Variants in SUPT3H observed in about 807,000 individuals in gnomAD.
SUPT3H encodes the protein transcription initiation protein SPT3 homolog.
Under a neutral mutation model 44.3 loss-of-function variants are expected in SUPT3H, and 44 were observed. That is an observed-to-expected ratio of 0.99 (90% CI 0.78 to 1.28). SUPT3H has a LOEUF of 1.28. Among genes scored for constraint, SUPT3H ranks in the 50% most tolerant of loss-of-function variants. The probability of loss-of-function intolerance (pLI) is 0.00; values close to 1 mark genes in which losing one functional copy is unlikely to be tolerated. For synonymous variants in SUPT3H, 124 were observed against 125.6 expected (o/e 0.99, Z 0.09); for missense variants, 380 against 387.1 (o/e 0.98, Z 0.15).
intron 6 of SUPT3H, among the ~76,000 whole-genome samples, chr6:44,978,396 G>T (rs923181408): frequency 1.2e-4 from 18 of 152,118 alleles, no homozygotes; most frequent in African/African-American, 4.3e-4. Context: ...ATGGAACTGT[G>T]ATTTTAATAT....
chr6:44,973,112 A>C lies in SUPT3H; in HGVS notation c.505-11284T>G, dbSNP rs1582839443. On this transcript the variant is annotated intron_variant, in intron 6 of 10. Coordinates refer to ENST00000371459, the MANE Select transcript of SUPT3H (RefSeq NM_003599.4). ...GAGGCTGCAAATTTTCCAAAGTTTT[A>C]TGCTCTGGTTCCCTTTTAAACATAA... Among the ~76,000 whole-genome samples the C allele has an allele frequency of 2.6e-5, 4 of 152,312 alleles. No individual in the cohort carries two copies. The South Asian group carries it at 8.3e-4, about 32-fold the overall frequency.
intron 11 of SUPT3H, among the ~76,000 whole-genome samples, chr6:44,812,481 A>G (rs1248823750): frequency 3.9e-5 from 6 of 152,186 alleles, no homozygotes; most frequent in Admixed American, 2.6e-4. Context: ...GACTGGACCC[A>G]TGTGGATAAT....
Position 44,961,612 on chromosome 6 carries a change from T to C in SUPT3H, c.580+141A>G, listed in dbSNP as rs140470852. 436 of 654,948 alleles carry C rather than the reference T, an allele frequency of 6.7e-4. 3 individuals are homozygous for C. In the East Asian group the frequency reaches 0.012, roughly 18 times the overall value. The allele number at this position is 654,948 out of a possible 1,614,324, so 40.6% of individuals were successfully genotyped here. On this transcript the variant is annotated intron_variant, in intron 7 of 10. Transcript: ENST00000371459. The stretch of plus-strand genomic sequence containing the variant: ...AATCATTTATAGGCTCCCCACAATG[T>C]AGACGTTGTTTGTATAGCACTTACA...
At chr6:45,049,903 C>G (rs1790005939) in intron 3 of SUPT3H, among the ~76,000 whole-genome samples, 1 of 151,940 alleles carries the variant, frequency 6.6e-6, no homozygotes, top group Non-Finnish European at 1.5e-5. Flanking sequence ...TGTTATGTAT[C>G]CATCAATAAA....
At chr6:45,259,511 T>G (rs1174765815) in intron 2 of SUPT3H, among the ~76,000 whole-genome samples, 1 of 152,102 alleles carries the variant, frequency 6.6e-6, no homozygotes, top group Non-Finnish European at 1.5e-5. Context: ...AATTGACTTT[T>G]GGGGTTGGTT....
At chr6:44,975,870 G>C (rs1778261809) in intron 6 of SUPT3H, among the ~76,000 whole-genome samples, 1 of 152,120 alleles carries the variant, frequency 6.6e-6, no homozygotes, top group Admixed American at 6.6e-5. Context: ...GCAAACTCAT[G>C]CTGAGTATGT....
intron 3 of SUPT3H, among the ~76,000 whole-genome samples, chr6:45,050,832 A>G (rs979556750): frequency 6.6e-6 from 1 of 151,476 alleles, no homozygotes; most frequent in Non-Finnish European, 1.5e-5. Context: ...GTAATAATGC[A>G]GGAGAGAAAA....
intron 2 of SUPT3H, among the ~76,000 whole-genome samples, chr6:45,347,863 T>C (rs971280721): frequency 1.3e-5 from 2 of 152,138 alleles, no homozygotes; most frequent in Non-Finnish European, 2.9e-5. Context: ...TAAAAAATAC[T>C]ACATGCCTAC....
intron 10 of SUPT3H, among the ~76,000 whole-genome samples, chr6:44,889,261 C>A (rs1415237796): frequency 5.3e-5 from 8 of 151,680 alleles, no homozygotes; most frequent in South Asian, 2.1e-4. Context: ...AATTGGAAAA[C>A]ACTACTTTAA....
chr6:45,311,987 A>G (rs1343494821), intron 2 of SUPT3H, among the ~76,000 whole-genome samples: 1 of 152,206 alleles, frequency 6.6e-6, no homozygotes, highest in Admixed American at 6.5e-5. Context: ...CAATACTAAC[A>G]TGGAATGTAA....
At chr6:45,260,306 C>A (rs564222254) in intron 2 of SUPT3H, among the ~76,000 whole-genome samples, 1 of 152,078 alleles carries the variant, frequency 6.6e-6, no homozygotes, top group Non-Finnish European at 1.5e-5. Flanking sequence ...AAATTGACAG[C>A]CTGCCCATTT....
intron 3 of SUPT3H, among the ~76,000 whole-genome samples, chr6:45,087,869 A>T (rs1796670925): frequency 6.6e-6 from 1 of 152,024 alleles, no homozygotes; most frequent in African/African-American, 2.4e-5. Context: ...CAAGTTTGAA[A>T]AAGAAACAAA....
At chr6:45,171,713 C>CTTTTTTTTTTTT (rs777154020) in intron 2 of SUPT3H, among the ~76,000 whole-genome samples, 4 of 93,474 alleles carry the variant, frequency 4.3e-5, no homozygotes, top group Non-Finnish European at 5.6e-5. Context: ...ATTCCACTTG[C>CTTTTTTTTTTTT]TTTTTTTTTT....
intron 2 of SUPT3H, among the ~76,000 whole-genome samples, chr6:45,331,783 C>T (rs896645124): frequency 4.6e-5 from 7 of 151,896 alleles, no homozygotes; most frequent in Non-Finnish European, 1.0e-4. Flanking sequence ...TACATGATTA[C>T]ATTATGATAT....
At chr6:45,231,817 T>C (rs1768113377) in intron 2 of SUPT3H, among the ~76,000 whole-genome samples, 1 of 152,216 alleles carries the variant, frequency 6.6e-6, no homozygotes, top group African/African-American at 2.4e-5. Context: ...AGTGGATTAT[T>C]ACAAAAGATG....
At chr6:44,902,441 T>C (rs554095213) in intron 10 of SUPT3H, among the ~76,000 whole-genome samples, 32 of 152,218 alleles carry the variant, frequency 2.1e-4, no homozygotes, top group Middle Eastern at 3.4e-3. Context: ...AAGAAGTCCA[T>C]AACATAATGG....
At position 45,102,733 on chromosome 6, in the gene SUPT3H, G is replaced by A. The variant is rs145815825; in HGVS notation, c.186+3189C>T. Among the ~76,000 whole-genome samples the A allele has an allele frequency of 2.1e-3, 325 of 152,172 alleles. 1 individual carries two copies. Among genetic ancestry groups the A allele is most frequent in the African/African-American group, 7.5e-3 (311 of 41,512 alleles). On this transcript the variant is annotated intron_variant, in intron 3 of 10. Coordinates refer to ENST00000371459, the MANE Select transcript of SUPT3H (RefSeq NM_003599.4). Reference sequence around the variant, plus strand: ...GAGTCGGGCAGATCCCTCAGGTCAGGTGTTCGAGGCCAGCCTGGCCAATAT... The same window carrying A: ...GAGTCGGGCAGATCCCTCAGGTCAGATGTTCGAGGCCAGCCTGGCCAATAT...
intron 2 of SUPT3H, among the ~76,000 whole-genome samples, chr6:45,178,378 A>G (rs1812421616): frequency 6.6e-6 from 1 of 152,138 alleles, no homozygotes; most frequent in Non-Finnish European, 1.5e-5. Context: ...TCCTAAATAT[A>G]TATGCATCCA....
chr6:45,342,190 T>C (rs574159872), intron 2 of SUPT3H, among the ~76,000 whole-genome samples: 1 of 152,152 alleles, frequency 6.6e-6, no homozygotes, highest in Admixed American at 6.5e-5. Flanking sequence ...TTATTATAAA[T>C]AGAATGAGTT....
Sources: allele counts gnomAD v4.1 joint callset (sites outside exome capture counted in the v4.1 genomes callset), GRCh38; gene constraint gnomAD v4.1.1; transcripts MANE v1.5; gene names NCBI Gene and HGNC (gene_info 2026-07-23, HGNC 2026-07-21).